SMYD3: variants seen among roughly 807,000 people sequenced by gnomAD.
SMYD3 encodes the protein histone-lysine N-methyltransferase SMYD3.
SMYD3 carries 36 observed loss-of-function variants against 57.7 expected under a neutral mutation model. That is an observed-to-expected ratio of 0.62 (90% CI 0.48 to 0.82). The LOEUF (loss-of-function observed/expected upper bound fraction) is 0.82, where lower values mean the gene tolerates loss of function less well. SMYD3 is among the 40% of genes least tolerant of loss of function. The pLI, the probability that SMYD3 is intolerant of heterozygous loss-of-function variation, is 0.00. For missense variants in SMYD3, 515 were observed against 538.8 expected (o/e 0.96, Z 0.44); for synonymous variants, 211 against 195.0 (o/e 1.08, Z -0.68).
At chr1:245,828,110 A>T (rs545949497) in intron 10 of SMYD3, among the ~76,000 whole-genome samples, 12 of 152,354 alleles carry the variant, frequency 7.9e-5, no homozygotes, top group African/African-American at 2.4e-4. Flanking sequence ...AGCAATGCAA[A>T]TTCCTAGTCT....
At chr1:246,286,957 G>A (rs191211196) in intron 5 of SMYD3, among the ~76,000 whole-genome samples, 21 of 149,438 alleles carry the variant, frequency 1.4e-4, no homozygotes, top group Admixed American at 6.1e-4. Flanking sequence ...TGCAACCTCC[G>A]CCCCCTAGGT....
intron 1 of SMYD3, among the ~76,000 whole-genome samples, chr1:246,422,412 A>G (rs1360911728): frequency 7.1e-6 from 1 of 141,450 alleles, no homozygotes; most frequent in Admixed American, 7.1e-5. Flanking sequence ...AAAGGCTACA[A>G]TGTTTGCCTT....
intron 5 of SMYD3, among the ~76,000 whole-genome samples, chr1:246,199,979 T>A (rs56291347): frequency 4.7e-5 from 5 of 106,072 alleles, no homozygotes; most frequent in East Asian, 2.7e-4. Context: ...GACGCTGAGG[T>A]AGAATGTACA....
At chr1:246,130,043 G>A (rs1363155528) in intron 5 of SMYD3, among the ~76,000 whole-genome samples, 1 of 152,186 alleles carries the variant, frequency 6.6e-6, no homozygotes, top group Admixed American at 6.5e-5. Context: ...TTCAGAATGA[G>A]TTGCAAGTAC....
intron 5 of SMYD3, among the ~76,000 whole-genome samples, chr1:245,955,531 T>C (rs1160564142): frequency 3.3e-5 from 5 of 152,210 alleles, no homozygotes; most frequent in Non-Finnish European, 7.3e-5. Context: ...CCGGCTTAAA[T>C]GTCACCTCCT....
intron 1 of SMYD3, among the ~76,000 whole-genome samples, chr1:246,498,504 C>T (rs532885078): frequency 1.3e-5 from 2 of 151,976 alleles, no homozygotes; most frequent in South Asian, 2.1e-4. Flanking sequence ...GAGGCCGAGG[C>T]GGGTGGATCA....
At position 246,203,268 on chromosome 1, in the gene SMYD3, C is replaced by T. The variant is rs1227448917; in HGVS notation, c.531+123933G>A. On this transcript the variant is annotated intron_variant, in intron 5 of 11. Coordinates refer to ENST00000490107, the MANE Select transcript of SMYD3 (RefSeq NM_001167740.2). This position sits in a 1 kb window ranked among gnomAD's most constrained non-coding sequence, Gnocchi z 4.6. Reference sequence around the variant, plus strand: ...CAGTGAAATTAATTCAATAAATATCCACAGAGCTTTAATCCAGATGTGTGC... The same window carrying T: ...CAGTGAAATTAATTCAATAAATATCTACAGAGCTTTAATCCAGATGTGTGC... Among the ~76,000 whole-genome samples the T allele has an allele frequency of 6.6e-6, 1 of 152,090 alleles. No homozygotes were observed. Among genetic ancestry groups the T allele is most frequent in the East Asian group, 1.9e-4 (1 of 5,188 alleles).
chr1:246,244,095 CT>C (rs1364956049), intron 5 of SMYD3, among the ~76,000 whole-genome samples: 6 of 151,470 alleles, frequency 4.0e-5, no homozygotes, highest in Non-Finnish European at 5.9e-5. Flanking sequence ...ATTAATATCT[CT>C]TGTACATGGG....
chr1:246,335,499 C>T (rs984846819), intron 2 of SMYD3, 25 bp from the exon 3 acceptor site: 2 of 1,588,378 alleles, frequency 1.3e-6, no homozygotes, highest in South Asian at 1.1e-5. Flanking sequence ...GTGGGGAGAA[C>T]ATAGGTGACC....
rs533926437 is a variant in SMYD3 at position 245,801,756 on chromosome 1, T to G, written c.1077-37607A>C. 8.7e-4 allele frequency among the ~76,000 whole-genome samples: 127 copies of G among 146,512 alleles called. No individual in the cohort carries two copies. In the South Asian group the frequency reaches 0.026, roughly 30 times the overall value. On this transcript the variant is annotated intron_variant, in intron 10 of 11. Transcript: ENST00000490107. The stretch of plus-strand genomic sequence containing the variant: ...AAAAAAAAAATCACAAAAACTCAAG[T>G]TGGAAAAATGGGCTAAAGCTAATAA...
chr1:246,130,492 T>C (rs1271329243), intron 5 of SMYD3, among the ~76,000 whole-genome samples: 2 of 152,030 alleles, frequency 1.3e-5, no homozygotes, highest in African/African-American at 4.8e-5. Flanking sequence ...AAAAACTGCA[T>C]CAGTGAAAGA....
Position 245,983,135 on chromosome 1 carries a change from G to A in SMYD3, c.532-53198C>T, listed in dbSNP as rs552128166. 2.0e-5 allele frequency among the ~76,000 whole-genome samples: 3 copies of A among 152,312 alleles called. No homozygotes were observed. In the East Asian group the frequency reaches 5.8e-4, roughly 29 times the overall value. On this transcript the variant is annotated intron_variant, in intron 5 of 11. Coordinates refer to ENST00000490107, the MANE Select transcript of SMYD3 (RefSeq NM_001167740.2). ...AGACCTCATACTGAAGGTCTTCACA[G>A]AGACAAGATGCCTCATCTCCCTGGC...
chr1:246,164,678 TACGTGTGCC>T (rs1254283710), intron 5 of SMYD3, among the ~76,000 whole-genome samples: 1 of 152,248 alleles, frequency 6.6e-6, no homozygotes, highest in Non-Finnish European at 1.5e-5. Context: ...TCATACTGGA[TACGTGTGCC>T]ACGTGCCAGG....
intron 1 of SMYD3, among the ~76,000 whole-genome samples, chr1:246,411,430 A>T (rs1381419066): frequency 2.0e-5 from 3 of 152,184 alleles, no homozygotes; most frequent in Non-Finnish European, 2.9e-5. Flanking sequence ...TTCCTCAGGG[A>T]TCTAGAACTA....
chr1:245,950,516 C>T (rs2057591642), intron 5 of SMYD3, among the ~76,000 whole-genome samples: 1 of 152,206 alleles, frequency 6.6e-6, no homozygotes, highest in Non-Finnish European at 1.5e-5. Flanking sequence ...CTTGGAGCCT[C>T]AGTCACTACA....
intron 1 of SMYD3, among the ~76,000 whole-genome samples, chr1:246,438,925 A>C (rs995625056): frequency 9.9e-5 from 15 of 151,768 alleles, no homozygotes; most frequent in Non-Finnish European, 1.9e-4. Flanking sequence ...GACAGGGCTC[A>C]GGCAATAATG....
chr1:246,346,305 A>T (rs1222414414), intron 2 of SMYD3, among the ~76,000 whole-genome samples: 1 of 151,996 alleles, frequency 6.6e-6, no homozygotes, highest in Non-Finnish European at 1.5e-5. Flanking sequence ...CAAACTAAAA[A>T]AGAACTACAG....
rs557281636 is a variant in SMYD3, at chr1:245,903,721, G to A, written c.813+11809C>T. Among the ~76,000 whole-genome samples, 4 of 152,302 alleles carry A rather than the reference G, an allele frequency of 2.6e-5. No homozygotes were observed. The East Asian group carries it at 7.7e-4, about 29-fold the overall frequency. On this transcript the variant is annotated intron_variant, in intron 8 of 11. Transcript: ENST00000490107. ...CCGTGTCCTTACCCAAATCTCATCT[G>A]GAATTGTAACTGGGGCTTGCATCCC...
At chr1:246,324,240 C>T (rs1572380382) in intron 5 of SMYD3, among the ~76,000 whole-genome samples, 1 of 152,008 alleles carries the variant, frequency 6.6e-6, no homozygotes, top group South Asian at 2.1e-4. Context: ...CGTGGTGCAA[C>T]GTTGTCTCTA....
Sources: allele counts gnomAD v4.1 joint callset (sites outside exome capture counted in the v4.1 genomes callset), GRCh38; gene constraint gnomAD v4.1.1; non-coding constraint Gnocchi (gnomAD v3.1); transcripts MANE v1.5; gene names NCBI Gene and HGNC (gene_info 2026-07-23, HGNC 2026-07-21).